Variants in NRAP observed in about 807,000 individuals in gnomAD.
NRAP encodes nebulin related anchoring protein.
NRAP carries 189 observed loss-of-function variants against 225.9 expected under a neutral mutation model. That is an observed-to-expected ratio of 0.84 (90% CI 0.74 to 0.94). NRAP has a LOEUF of 0.94. NRAP is among the 40% of genes least tolerant of loss of function. The pLI, the probability that NRAP is intolerant of heterozygous loss-of-function variation, is 0.00. For synonymous variants in NRAP, 769 were observed against 790.7 expected, an observed-to-expected ratio of 0.97 and a Z score of 0.46; for missense variants, 2,176 against 2,168.7, an observed-to-expected ratio of 1.00 and a Z score of -0.07.
intron 2 of NRAP, 87 bp downstream of exon 2, chr10:113,663,265 G>T: frequency 1.2e-6 from 1 of 801,698 alleles, no homozygotes; most frequent in South Asian, 1.5e-5. Context: ...ATTTAACCCT[G>T]GGTTATATGA....
intron 26 of NRAP, among the ~76,000 whole-genome samples, chr10:113,616,658 G>A (rs755133175): frequency 4.6e-5 from 7 of 152,146 alleles, no homozygotes; most frequent in African/African-American, 1.4e-4. Flanking sequence ...CAAATAAAGC[G>A]CAACCAGAAT....
At chr10:113,640,101 C>T (rs889725647) in intron 14 of NRAP, 126 bp downstream of exon 14, 8 of 562,228 alleles carry the variant, frequency 1.4e-5, no homozygotes, top group Admixed American at 3.2e-5. Flanking sequence ...TTTCCCTTTC[C>T]TCAATCCCTT....
intron 11 of NRAP, among the ~76,000 whole-genome samples, chr10:113,645,138 T>C (rs989665015): frequency 4.6e-5 from 7 of 152,190 alleles, no homozygotes; most frequent in African/African-American, 1.2e-4. Context: ...ACTTCAGTAA[T>C]AAGAGAACGA....
chr10:113,598,208 C>T, intron 35 of NRAP, 135 bp from the exon 36 acceptor site: 1 of 687,128 alleles, frequency 1.5e-6, no homozygotes, highest in Non-Finnish European at 2.7e-6. Context: ...ACTGGGAGTA[C>T]ATTCTGCATG....
intron 15 of NRAP, 133 bp downstream of exon 15, chr10:113,633,979 G>T: frequency 3.0e-6 from 2 of 674,590 alleles, no homozygotes; most frequent in South Asian, 1.8e-5. Flanking sequence ...AAGAAGTGGG[G>T]GTCATTTTCT....
At position 113,589,704 on chromosome 10, in the gene NRAP, GTTCCGCAGC is replaced by G. The variant is rs1845833877; in HGVS notation, c.5041_5049del (p.Ala1681_Glu1683del). 6 of 1,614,022 alleles carry G rather than the reference GTTCCGCAGC, an allele frequency of 3.7e-6. No individual in the cohort carries two copies. The South Asian group carries it at 5.5e-5, about 15-fold the overall frequency. ...AGACCCAGGCCCCTTGCGTTGGCCAGTTCCGCAGCCCGCCGAGCCATTTCCACTTTGTAG... is the reference window on the plus strand; with the variant it reads ...AGACCCAGGCCCCTTGCGTTGGCCAGCCGCCGAGCCATTTCCACTTTGTAG... On this transcript the variant is annotated inframe_deletion, in exon 41 of 42. Transcript: ENST00000359988.
intron 7 of NRAP, 47 bp from the exon 8 acceptor site, chr10:113,650,592 G>C: frequency 8.0e-7 from 1 of 1,251,264 alleles, no homozygotes; most frequent in Non-Finnish European, 1.2e-6. Context: ...TTTATCAGAT[G>C]ATCTTAGTGA....
intron 25 of NRAP, among the ~76,000 whole-genome samples, chr10:113,618,742 T>A (rs1847811608): frequency 6.6e-6 from 1 of 152,168 alleles, no homozygotes; most frequent in Admixed American, 6.5e-5. Context: ...AATCAGGAGT[T>A]TGAGACCAGC....
intron 14 of NRAP, among the ~76,000 whole-genome samples, chr10:113,637,383 G>A (rs549686300): frequency 3.3e-4 from 51 of 152,292 alleles, no homozygotes; most frequent in African/African-American, 1.1e-3. Context: ...AGTCTGCCTC[G>A]CAAGGTGGCT....
At chr10:113,630,506 G>A (rs1848520079) in intron 18 of NRAP, among the ~76,000 whole-genome samples, 1 of 152,144 alleles carries the variant, frequency 6.6e-6, no homozygotes, top group Non-Finnish European at 1.5e-5. Flanking sequence ...GGAGAAGATA[G>A]TATGCTATAG....
intron 25 of NRAP, among the ~76,000 whole-genome samples, chr10:113,617,767 T>A (rs1448580486): frequency 2.0e-5 from 3 of 152,180 alleles, no homozygotes; most frequent in African/African-American, 2.4e-5. Context: ...TATTTCTACC[T>A]GGTGCAAAGA....
Position 113,598,024 on chromosome 10 carries a change from G to A in NRAP, c.4277C>T (p.Ala1426Val), listed in dbSNP as rs751612141. Residue 1426 changes from alanine (A) to valine (V), a missense_variant, in exon 36 of 42, where the codon GCG becomes GTG. By Grantham distance (64) the Ala-to-Val change is moderately conservative. This residue lies in a region of NRAP where 445 missense variants were observed against 426.1 expected (regional missense o/e 1.04). Transcript: ENST00000359988. ...LIGMKGIGWLALRSPQMESAK... is the reference protein window; with the variant it reads ...LIGMKGIGWLVLRSPQMESAK... The stretch of plus-strand genomic sequence containing the variant: ...ACTCTCCATCTGTGGGGATCTCAGC[G>A]CCAGCCATCCTATGCCCTTCATGCC... The A allele has an allele frequency of 9.9e-6, 16 of 1,613,624 alleles. No individual in the cohort carries two copies. Among genetic ancestry groups the A allele is most frequent in the African/African-American group, 4.0e-5 (3 of 74,798 alleles).
rs376345718 is a variant in NRAP, at chr10:113,631,952, C to T, written c.1645G>A (p.Glu549Lys). 24 of 1,603,772 alleles carry T rather than the reference C, an allele frequency of 1.5e-5. No individual in the cohort carries two copies. The African/African-American group carries it at 3.1e-4, about 21-fold the overall frequency. Residue 549 changes from glutamate to lysine, a missense_variant, in exon 17 of 42, where the codon GAA becomes AAA. This residue lies in a region of NRAP where 1,708 missense variants were observed against 1,695.5 expected (regional missense o/e 1.01). Transcript: ENST00000359988. Reference sequence around the variant, plus strand: ...TTCCCCTTTGTCTTCTCCCAGCCTTCTTTATACTTAACCTGACAAACAAAA... The same window carrying T: ...TTCCCCTTTGTCTTCTCCCAGCCTTTTTTATACTTAACCTGACAAACAAAA... ...AKLFSEVKYK[E>K]GWEKTKGKGF... is the part of the protein sequence containing the mutation.
intron 38 of NRAP, among the ~76,000 whole-genome samples, chr10:113,595,123 A>G (rs934073173): frequency 8.5e-5 from 13 of 152,234 alleles, no homozygotes; most frequent in African/African-American, 2.7e-4. Context: ...GGGAAACGAA[A>G]GTGTTGGAGG....
chr10:113,625,953 G>A lies in NRAP; in HGVS notation c.2244+94C>T. On this transcript the variant is annotated intron_variant, in intron 21 of 41. Transcript: ENST00000359988. ...TTAGAGGGAAGGCTCTTTGGTTTCT[G>A]GATTGTGCCTGGGCGGCACCTGCTG... The A allele has an allele frequency of 5.2e-6, 4 of 770,316 alleles. No individual in the cohort carries two copies. In the South Asian group the frequency reaches 7.6e-5, roughly 15 times the overall value. The allele number at this position is 770,316 out of a possible 1,614,324, so 47.7% of individuals were successfully genotyped here. A position where few individuals can be genotyped will look rare whatever the true frequency, so the allele number is the denominator to read the frequency against.
chr10:113,624,838 T>G lies in NRAP; in HGVS notation c.2337A>C (p.Ala779=). The change falls in exon 22 of 42, where the codon GCA becomes GCC. Residue 779 remains alanine (A), a synonymous_variant. Transcript: ENST00000359988. ...PLFLQARANA[A]NLSEKLYKSS... ...ATTCTCTCTGTACCTCGCTGAGATTTGCAGCATTGGCTCGGGCCTGCAGGA... is the reference window on the plus strand; with the variant it reads ...ATTCTCTCTGTACCTCGCTGAGATTGGCAGCATTGGCTCGGGCCTGCAGGA... 6.2e-7 allele frequency: 1 copy of G among 1,613,330 alleles called. No homozygotes were observed. The highest frequency in any genetic ancestry group is 8.5e-7 in the Non-Finnish European group (1 of 1,179,240).
chr10:113,621,745 G>A (rs1848000439), intron 24 of NRAP, 124 bp downstream of exon 24: 1 of 848,114 alleles, frequency 1.2e-6, no homozygotes, highest in African/African-American at 1.7e-5. Context: ...TGCCACTTAG[G>A]GATCCAGAAA....
intron 4 of NRAP, among the ~76,000 whole-genome samples, chr10:113,654,634 G>A (rs950523595): frequency 5.9e-5 from 9 of 152,004 alleles, no homozygotes; most frequent in African/African-American, 1.9e-4. Flanking sequence ...TAAGTGTATT[G>A]TCTGAGTGAT....
chr10:113,654,420 T>C (rs1456766429), intron 4 of NRAP, among the ~76,000 whole-genome samples: 1 of 148,952 alleles, frequency 6.7e-6, no homozygotes, highest in African/African-American at 2.5e-5. Context: ...TGTGGACAGG[T>C]AATCTGAGAT....
Sources: allele counts gnomAD v4.1 joint callset (sites outside exome capture counted in the v4.1 genomes callset), GRCh38; gene constraint gnomAD v4.1.1; regional missense constraint gnomAD v4.1.1; transcripts MANE v1.5; gene names NCBI Gene and HGNC (gene_info 2026-07-23, HGNC 2026-07-21).